PAFAH2: variants seen among roughly 807,000 people sequenced by gnomAD.
PAFAH2 encodes the protein platelet activating factor acetylhydrolase 2, also known as platelet-activating factor acetylhydrolase 2, cytoplasmic.
A neutral mutation model predicts 49.0 loss-of-function variants in PAFAH2; 42 were observed. The observed-to-expected ratio is 0.86, with a 90% CI of 0.67 to 1.11. The LOEUF (loss-of-function observed/expected upper bound fraction) is 1.11. Among genes scored for constraint, PAFAH2 ranks in the 50% least tolerant of loss-of-function variants. The pLI is 0.00. For synonymous variants in PAFAH2, 184 were observed against 181.3 expected, an observed-to-expected ratio of 1.01 and a Z score of -0.12; for missense variants, 503 against 501.8, an observed-to-expected ratio of 1.00 and a Z score of -0.02.
At chr1:25,991,625 G>A (rs1399588399) in intron 1 of PAFAH2, among the ~76,000 whole-genome samples, 1 of 146,222 alleles carries the variant, frequency 6.8e-6, no homozygotes, top group Non-Finnish European at 1.5e-5. Flanking sequence ...AGGCACGGTG[G>A]CTCACGCCTG....
In PAFAH2 at chr1:25,990,787, T is replaced by C. The variant is rs2124367802; in HGVS notation, c.30A>G (p.Pro10=). ...CTACGAGGTGGGGTCCTGTGACAGG[T>C]GGAAAGCCCACAGACTGGTTGACCC... MGVNQSVGF[P]PVTGPHLVGC... is the part of the protein sequence containing the mutation. Residue 10 remains proline, a synonymous_variant, in exon 2 of 11, where the codon CCA becomes CCG. Coordinates refer to ENST00000374282, the MANE Select transcript of PAFAH2 (RefSeq NM_000437.4). The C allele has an allele frequency of 6.2e-7, 1 of 1,613,950 alleles. No homozygotes were observed. The highest frequency in any genetic ancestry group is 1.7e-4 in the Middle Eastern group (1 of 6,060).
At chr1:25,995,820 G>C (rs552162948) in intron 1 of PAFAH2, among the ~76,000 whole-genome samples, 1 of 152,122 alleles carries the variant, frequency 6.6e-6, no homozygotes, top group Non-Finnish European at 1.5e-5. Context: ...AGACCAAACT[G>C]TCTATCTGCA....
Position 25,993,374 on chromosome 1 carries a change from G to A in PAFAH2, c.-47-2511C>T, listed in dbSNP as rs768458460. On this transcript the variant is annotated intron_variant, in intron 1 of 10. Transcript: ENST00000374282. ...ATTTCCGTCAATCCCCTCCACAATC[G>A]TTTTCCCCTTCTCCGCGTACATACA... Among the ~76,000 whole-genome samples the A allele has an allele frequency of 4.6e-5, 7 of 152,128 alleles. No homozygotes were observed. In the East Asian group the frequency reaches 5.8e-4, roughly 13 times the overall value.
chr1:25,982,267 T>C, intron 7 of PAFAH2, 97 bp downstream of exon 7: 1 of 861,334 alleles, frequency 1.2e-6, no homozygotes. Flanking sequence ...AGCCAATCAA[T>C]TCTCTTTTGG....
intron 5 of PAFAH2, 59 bp from the exon 6 acceptor site, chr1:25,984,146 C>T (rs2049741285): frequency 2.5e-6 from 4 of 1,600,826 alleles, no homozygotes; most frequent in Non-Finnish European, 2.6e-6. Context: ...TATTTTTCCC[C>T]TTTACCAAAG....
chr1:25,988,686 C>A (rs112626525), intron 3 of PAFAH2, among the ~76,000 whole-genome samples: 2 of 151,356 alleles, frequency 1.3e-5, no homozygotes, highest in African/African-American at 4.9e-5. Flanking sequence ...TCCTATAATC[C>A]CAGCTACTCA....
At chr1:25,964,986 G>T (rs1348628018) in intron 10 of PAFAH2, among the ~76,000 whole-genome samples, 2 of 152,100 alleles carry the variant, frequency 1.3e-5, no homozygotes, top group African/African-American at 4.8e-5. Flanking sequence ...AAAGCTGGAG[G>T]CATCACATGA....
chr1:25,991,721 C>T (rs1050320326), intron 1 of PAFAH2, among the ~76,000 whole-genome samples: 5 of 151,586 alleles, frequency 3.3e-5, no homozygotes, highest in African/African-American at 4.8e-5. Flanking sequence ...GGCGAAACCC[C>T]GTCTCTACTA....
At chr1:25,977,852 T>A (rs1249638110) in intron 7 of PAFAH2, among the ~76,000 whole-genome samples, 2 of 152,056 alleles carry the variant, frequency 1.3e-5, no homozygotes, top group Non-Finnish European at 2.9e-5. Context: ...TTGCTGCCCA[T>A]CCATTGTACT....
At chr1:25,990,950 A>C (rs1452376015) in intron 1 of PAFAH2, 87 bp from the exon 2 acceptor site, 2 of 647,838 alleles carry the variant, frequency 3.1e-6, no homozygotes, top group Non-Finnish European at 5.6e-6. Context: ...TACCCTGTCC[A>C]CCCCTCCTTA....
intron 7 of PAFAH2, among the ~76,000 whole-genome samples, chr1:25,977,673 AT>A (rs766691128): frequency 2.8e-4 from 43 of 151,250 alleles, no homozygotes; most frequent in Non-Finnish European, 5.0e-4. Flanking sequence ...AAAAAAAAAA[AT>A]CTATGAAGAA....
At position 25,963,572 on chromosome 1, in the gene PAFAH2, C is replaced by T. The variant is rs184637736; in HGVS notation, c.1085-1489G>A. ...CAGGCTGGAGTGCAGTGGTCAATCTCGGCTCAACGCAACCTCTGCCTCCCA... is the reference window on the plus strand; with the variant it reads ...CAGGCTGGAGTGCAGTGGTCAATCTTGGCTCAACGCAACCTCTGCCTCCCA... On this transcript the variant is annotated intron_variant, in intron 10 of 10. Transcript: ENST00000374282. Among the ~76,000 whole-genome samples the T allele has an allele frequency of 3.5e-4, 53 of 152,288 alleles. 1 individual carries two copies. The highest frequency in any genetic ancestry group is 3.4e-3 in the Middle Eastern group (1 of 294).
intron 10 of PAFAH2, among the ~76,000 whole-genome samples, chr1:25,966,883 T>C (rs144901624): frequency 0.011 from 1,627 of 151,770 alleles, 33 homozygotes; most frequent in African/African-American, 0.037. Context: ...TACAAAAAAA[T>C]TAGTCGGGCC....
chr1:25,981,383 TGG>T (rs2049686132), intron 7 of PAFAH2, among the ~76,000 whole-genome samples: 1 of 42,102 alleles, frequency 2.4e-5, no homozygotes, highest in African/African-American at 9.5e-5. Flanking sequence ...AAAGATTGGG[TGG>T]GGGTGGGGTA....
At chr1:25,967,467 G>A (rs925048439) in intron 10 of PAFAH2, among the ~76,000 whole-genome samples, 1 of 152,136 alleles carries the variant, frequency 6.6e-6, no homozygotes, top group African/African-American at 2.4e-5. Context: ...GCAGATGGAA[G>A]AGGCCCAAAC....
intron 1 of PAFAH2, 115 bp from the exon 2 acceptor site, chr1:25,990,978 C>A (rs571283510): frequency 1.7e-6 from 1 of 585,792 alleles, no homozygotes; most frequent in Non-Finnish European, 3.1e-6. Flanking sequence ...ATCCTCCCTG[C>A]CGTCGCTCAT....
intron 1 of PAFAH2, among the ~76,000 whole-genome samples, chr1:25,993,291 G>A (rs778814005): frequency 3.3e-5 from 5 of 152,116 alleles, no homozygotes; most frequent in Non-Finnish European, 7.4e-5. Context: ...AGATGCTCTG[G>A]GAGGGATTCA....
intron 9 of PAFAH2, 72 bp downstream of exon 9, chr1:25,974,408 C>T: frequency 2.3e-6 from 3 of 1,326,944 alleles, no homozygotes; most frequent in South Asian, 1.7e-5. Context: ...TTGGGTAATC[C>T]AGAAGTTAAG....
intron 3 of PAFAH2, among the ~76,000 whole-genome samples, chr1:25,988,588 G>A (rs899755102): frequency 6.6e-6 from 1 of 151,976 alleles, no homozygotes; most frequent in Non-Finnish European, 1.5e-5. Context: ...GCCAAGGAGG[G>A]CGGATCACGA....
Sources: gnomAD v4.1 joint callset for allele counts (sites outside exome capture counted in the v4.1 genomes callset) on GRCh38, gnomAD v4.1.1 for gene constraint, MANE v1.5 for transcripts, NCBI Gene and HGNC (gene_info 2026-07-23, HGNC 2026-07-21) for gene names.